ERC2: variants seen among roughly 807,000 people sequenced by gnomAD.
ERC2 encodes ERC protein 2.
Under a neutral mutation model 114.8 loss-of-function variants are expected in ERC2, and 42 were observed. The ratio of observed to expected loss-of-function variants is 0.37; its 90% CI spans 0.29 to 0.47. The LOEUF (loss-of-function observed/expected upper bound fraction) is 0.47. Ranked by LOEUF, ERC2 falls within the 20% of genes least tolerant of loss-of-function variation. ERC2 has a pLI of 0.99. For synonymous variants in ERC2, 454 were observed against 425.5 expected (o/e 1.07, Z -0.82); for missense variants, 939 against 1,150.7 (o/e 0.82, Z 2.66).
intron 13 of ERC2, among the ~76,000 whole-genome samples, chr3:55,935,707 G>T (rs1018040036): frequency 6.6e-6 from 1 of 152,268 alleles, no homozygotes; most frequent in East Asian, 1.9e-4. Flanking sequence ...TGCATACAGG[G>T]TGCCTGCCAC....
chr3:55,558,286 G>A (rs556543876), intron 17 of ERC2, among the ~76,000 whole-genome samples: 20 of 152,152 alleles, frequency 1.3e-4, no homozygotes, highest in Middle Eastern at 3.2e-3. Flanking sequence ...TGCCTGGCAC[G>A]TAATAGATGG....
intron 8 of ERC2, among the ~76,000 whole-genome samples, chr3:56,012,158 C>G (rs2072991915): frequency 1.3e-5 from 2 of 152,194 alleles, no homozygotes; most frequent in South Asian, 4.1e-4. Context: ...AAGGAAATGG[C>G]CACAGTACAT....
At chr3:55,938,225 A>G (rs959040893) in intron 13 of ERC2, among the ~76,000 whole-genome samples, 2 of 152,044 alleles carry the variant, frequency 1.3e-5, no homozygotes, top group Non-Finnish European at 2.9e-5. Flanking sequence ...TCATTTCAGA[A>G]GCATTTAAAA....
chr3:56,181,214 C>T (rs1245668315), intron 3 of ERC2, among the ~76,000 whole-genome samples: 3 of 152,146 alleles, frequency 2.0e-5, no homozygotes, highest in African/African-American at 7.2e-5. Context: ...TTTTAGGTAT[C>T]TTAAATGCGC....
chr3:56,442,114 A>G (rs1228388606), intron 1 of ERC2, among the ~76,000 whole-genome samples: 3 of 152,192 alleles, frequency 2.0e-5, no homozygotes, highest in Non-Finnish European at 4.4e-5. Context: ...TCTACTCTCA[A>G]CATATCCCAA....
chr3:55,774,618 G>C (rs768821770), intron 14 of ERC2, among the ~76,000 whole-genome samples: 3 of 152,220 alleles, frequency 2.0e-5, no homozygotes, highest in Non-Finnish European at 4.4e-5. Flanking sequence ...TCAGAGGCTC[G>C]GATCTCCTTC....
intron 14 of ERC2, among the ~76,000 whole-genome samples, chr3:55,777,438 T>C (rs928766286): frequency 1.1e-4 from 16 of 152,124 alleles, no homozygotes; most frequent in African/African-American, 3.1e-4. Flanking sequence ...AGATAGAAAG[T>C]CCAGAAACAA....
intron 7 of ERC2, among the ~76,000 whole-genome samples, chr3:56,074,744 A>G (rs7650032): frequency 4.3e-4 from 66 of 152,238 alleles, no homozygotes; most frequent in African/African-American, 1.6e-3. Context: ...GTGTTTTATT[A>G]TTCGTGGTAT....
chr3:55,887,970 T>A (rs1338990347), intron 14 of ERC2, among the ~76,000 whole-genome samples: 3 of 152,210 alleles, frequency 2.0e-5, no homozygotes, highest in African/African-American at 7.2e-5. Context: ...TGTGCACAAG[T>A]GAGAAGAATA....
chr3:55,635,254 G>A (rs983509454), intron 17 of ERC2, among the ~76,000 whole-genome samples: 18 of 151,946 alleles, frequency 1.2e-4, no homozygotes, highest in African/African-American at 4.1e-4. Flanking sequence ...TTATTTTAAA[G>A]GTATGCGAAT....
intron 12 of ERC2, among the ~76,000 whole-genome samples, chr3:55,964,805 C>T (rs150100470): frequency 3.3e-5 from 5 of 152,156 alleles, no homozygotes; most frequent in East Asian, 1.9e-4. Flanking sequence ...TCATTCAGGT[C>T]GTTGGCAGGA....
At chr3:56,407,872 A>G (rs147815213) in intron 2 of ERC2, among the ~76,000 whole-genome samples, 4 of 152,048 alleles carry the variant, frequency 2.6e-5, no homozygotes, top group African/African-American at 7.2e-5. Context: ...AGATGCACAC[A>G]CTATTCCCCC....
At chr3:55,963,209 T>C (rs2068512785) in intron 12 of ERC2, among the ~76,000 whole-genome samples, 1 of 152,238 alleles carries the variant, frequency 6.6e-6, no homozygotes, top group Non-Finnish European at 1.5e-5. Context: ...CTGAACCCAT[T>C]AATCTCAAGG....
chr3:56,107,271 T>C (rs1440884962), intron 6 of ERC2, among the ~76,000 whole-genome samples: 2 of 152,102 alleles, frequency 1.3e-5, no homozygotes, highest in East Asian at 3.8e-4. Flanking sequence ...ACTTTTTTTT[T>C]TTTTTTTGCT....
chr3:55,964,121 TC>T (rs2068579782), intron 12 of ERC2, among the ~76,000 whole-genome samples: 1 of 152,248 alleles, frequency 6.6e-6, no homozygotes, highest in Non-Finnish European at 1.5e-5. Context: ...TCTTCCATGT[TC>T]AAATGTTGGA....
chr3:55,867,288 T>G (rs1238805995), intron 14 of ERC2, among the ~76,000 whole-genome samples: 1 of 152,124 alleles, frequency 6.6e-6, no homozygotes, highest in Non-Finnish European at 1.5e-5. Context: ...GGCAGGACTT[T>G]CCCACCCACC....
intron 14 of ERC2, among the ~76,000 whole-genome samples, chr3:55,757,782 T>A (rs2067154496): frequency 6.6e-6 from 1 of 152,114 alleles, no homozygotes; most frequent in Non-Finnish European, 1.5e-5. Flanking sequence ...AAACATAAAT[T>A]ATTTATCAAT....
chr3:55,978,452 A>G (rs1490070653), intron 12 of ERC2, among the ~76,000 whole-genome samples: 5 of 152,184 alleles, frequency 3.3e-5, no homozygotes, highest in African/African-American at 1.2e-4. Flanking sequence ...GAAAATGTCT[A>G]AAGTCTTTAT....
At chr3:55,913,184 T>C (rs2064910575) in intron 13 of ERC2, among the ~76,000 whole-genome samples, 1 of 152,172 alleles carries the variant, frequency 6.6e-6, no homozygotes, top group South Asian at 2.1e-4. Context: ...TCTTGCTATG[T>C]TGTCCAGTCT....
Sources: gnomAD v4.1 joint callset for allele counts (sites outside exome capture counted in the v4.1 genomes callset) on GRCh38, gnomAD v4.1.1 for gene constraint, MANE v1.5 for transcripts, NCBI Gene and HGNC (gene_info 2026-07-23, HGNC 2026-07-21) for gene names.